Variants in CRB1 observed in about 807,000 individuals in gnomAD.
CRB1 encodes protein crumbs homolog 1.
Under a neutral mutation model 120.0 loss-of-function variants are expected in CRB1, and 83 were observed. The ratio of observed to expected loss-of-function variants is 0.69; its 90% CI spans 0.58 to 0.83. The LOEUF (loss-of-function observed/expected upper bound fraction) is 0.83, where lower values mean the gene tolerates loss of function less well. Ranked by LOEUF, CRB1 falls within the 40% of genes least tolerant of loss-of-function variation. The pLI is 0.00. For missense variants in CRB1, 1,699 were observed against 1,687.6 expected (o/e 1.01, Z -0.12); for synonymous variants, 625 against 612.5 (o/e 1.02, Z -0.30).
chr1:197,415,878 G>A (rs1663973449), intron 5 of CRB1, among the ~76,000 whole-genome samples: 1 of 151,952 alleles, frequency 6.6e-6, no homozygotes, highest in African/African-American at 2.4e-5. Flanking sequence ...TCCTGATCTC[G>A]TGATCCGCCC....
At chr1:197,431,873 G>A (rs994224428) in intron 8 of CRB1, among the ~76,000 whole-genome samples, 44 of 152,198 alleles carry the variant, frequency 2.9e-4, no homozygotes, top group African/African-American at 9.6e-4. Flanking sequence ...TATGAACCCA[G>A]AATTCACTTT....
chr1:197,273,623 G>A (rs1483827721), intron 1 of CRB1, among the ~76,000 whole-genome samples: 1 of 152,046 alleles, frequency 6.6e-6, no homozygotes, highest in East Asian at 1.9e-4. Context: ...ATTCATATCA[G>A]TATGAATCTA....
chr1:197,227,236 A>G, the CRB1 span, among the ~76,000 whole-genome samples: 4 of 152,136 alleles, frequency 2.6e-5, no homozygotes, highest in Non-Finnish European at 4.4e-5. Context: ...AGCCTGTAAA[A>G]TCAAAAGCAA....
chr1:197,236,669 C>G, the CRB1 span, among the ~76,000 whole-genome samples: 1 of 152,096 alleles, frequency 6.6e-6, no homozygotes, highest in Non-Finnish European at 1.5e-5. Context: ...TTGTGATGCT[C>G]TTTATCAAGT....
chr1:197,328,961 G>A lies in CRB1; in HGVS notation c.610G>A (p.Glu204Lys). The A allele has an allele frequency of 6.2e-7, 1 of 1,613,956 alleles. No homozygotes were observed. Among genetic ancestry groups the A allele is most frequent in the Non-Finnish European group, 8.5e-7 (1 of 1,179,950 alleles). The change falls in exon 2 of 12, where the codon GAA (glutamate) becomes AAA (lysine). Residue 204 changes from glutamate (E) to lysine (K), a missense_variant. Transcript: ENST00000367400. ...PCKNEATCLN[E>K]IGRYTCICPH... ...CAAGAACGAGGCTACATGCCTCAAT[G>A]AAATAGGAAGATATACTTGTATCTG...
At chr1:197,315,087 C>T (rs932598508) in intron 1 of CRB1, among the ~76,000 whole-genome samples, 3 of 152,216 alleles carry the variant, frequency 2.0e-5, no homozygotes, top group Non-Finnish European at 4.4e-5. Context: ...ATCCAAATCC[C>T]AGGAGATCAC....
At chr1:197,252,580 ATATGTGTGTGTGTGTGTG>A in the CRB1 span, among the ~76,000 whole-genome samples, 2 of 22,318 alleles carry the variant, frequency 9.0e-5, no homozygotes, top group African/African-American at 1.1e-4. Flanking sequence ...ATATATATAT[ATATGTGTGTGTGTGTGTG>A]TGTGTGTGTG....
At chr1:197,376,021 C>T (rs965589548) in intron 5 of CRB1, among the ~76,000 whole-genome samples, 1 of 152,108 alleles carries the variant, frequency 6.6e-6, no homozygotes, top group Non-Finnish European at 1.5e-5. Context: ...CTTAACTGGC[C>T]TCTAGTTTAC....
intron 1 of CRB1, among the ~76,000 whole-genome samples, chr1:197,297,219 A>C (rs1467395608): frequency 1.3e-5 from 2 of 151,298 alleles, no homozygotes; most frequent in Non-Finnish European, 2.9e-5. Flanking sequence ...CTTGTCCAAC[A>C]CTCCTGATAT....
At chr1:197,267,236 A>G (rs1376248259), upstream of CRB1, among the ~76,000 whole-genome samples, 1 of 152,182 alleles carries the variant, frequency 6.6e-6, no homozygotes, top group African/African-American at 2.4e-5. Flanking sequence ...CCCAAGTTAA[A>G]TTATTTGCAT....
chr1:197,452,432 T>C (rs1451191468), intron 11 of CRB1, among the ~76,000 whole-genome samples: 3 of 152,216 alleles, frequency 2.0e-5, no homozygotes, highest in Non-Finnish European at 4.4e-5. Flanking sequence ...TGTCATTATA[T>C]AGGCCTAGGA....
chr1:197,205,762 T>C, the CRB1 span, among the ~76,000 whole-genome samples: 2 of 152,184 alleles, frequency 1.3e-5, no homozygotes, highest in East Asian at 1.9e-4. Context: ...ACTGGCTTCA[T>C]AGAATTATTT....
chr1:197,403,468 C>A (rs538666030), intron 5 of CRB1, among the ~76,000 whole-genome samples: 1 of 152,038 alleles, frequency 6.6e-6, no homozygotes, highest in African/African-American at 2.4e-5. Context: ...ATCAGGGGGA[C>A]GTGAATGAGG....
intron 2 of CRB1, among the ~76,000 whole-genome samples, chr1:197,329,355 G>T (rs1212167319): frequency 6.6e-6 from 1 of 152,146 alleles, no homozygotes; most frequent in Non-Finnish European, 1.5e-5. Flanking sequence ...AATCCCCAAA[G>T]CCTGGCACTG....
intron 1 of CRB1, among the ~76,000 whole-genome samples, chr1:197,291,527 A>G (rs996902374): frequency 6.6e-6 from 1 of 151,816 alleles, no homozygotes; most frequent in South Asian, 2.1e-4. Context: ...ATTGACTTTT[A>G]TCTCAATTCA....
upstream of CRB1, among the ~76,000 whole-genome samples, chr1:197,265,284 C>T (rs191749787): frequency 1.3e-5 from 2 of 150,640 alleles, no homozygotes; most frequent in East Asian, 3.9e-4. Context: ...TCTTCCCTTC[C>T]TTCCTCTCTC....
intron 5 of CRB1, among the ~76,000 whole-genome samples, chr1:197,371,091 T>C (rs958577866): frequency 6.6e-6 from 1 of 152,206 alleles, no homozygotes; most frequent in African/African-American, 2.4e-5. Flanking sequence ...GAGCCTAGTC[T>C]GTTGTCTTAA....
intron 5 of CRB1, among the ~76,000 whole-genome samples, chr1:197,400,471 A>G (rs1292665741): frequency 1.4e-5 from 2 of 146,880 alleles, no homozygotes; most frequent in African/African-American, 2.5e-5. Flanking sequence ...GTAAAAGAGC[A>G]TTTTTTTTTT....
chr1:197,361,596 T>C (rs1489792465), intron 5 of CRB1, among the ~76,000 whole-genome samples: 1 of 152,062 alleles, frequency 6.6e-6, no homozygotes, highest in African/African-American at 2.4e-5. Context: ...ATTGCTGATT[T>C]TTCTGTTGAA....
Sources: allele counts gnomAD v4.1 joint callset (sites outside exome capture counted in the v4.1 genomes callset), GRCh38; gene constraint gnomAD v4.1.1; transcripts MANE v1.5; gene names NCBI Gene and HGNC (gene_info 2026-07-23, HGNC 2026-07-21).